Variants in POMT2 observed in about 807,000 individuals in gnomAD.
The protein encoded by POMT2 is protein O-mannosyl-transferase 2.
In POMT2, 75 loss-of-function variants were observed where a neutral mutation model predicts 100.0. That is an observed-to-expected ratio of 0.75 (90% CI 0.62 to 0.91). The LOEUF is 0.91. Among genes scored for constraint, POMT2 ranks in the 40% least tolerant of loss-of-function variants. POMT2 has a pLI of 0.00. For missense variants in POMT2, 940 were observed against 955.1 expected (o/e 0.98, Z 0.21); for synonymous variants, 378 against 374.1 (o/e 1.01, Z -0.12).
intron 8 of POMT2, among the ~76,000 whole-genome samples, chr14:77,297,329 C>T (rs139011971): frequency 1.3e-5 from 2 of 152,378 alleles, no homozygotes; most frequent in East Asian, 3.9e-4. Flanking sequence ...TCCTCCTCCT[C>T]TTGCATTCCC....
chr14:77,287,600 T>C (rs993688484), intron 11 of POMT2: 1 of 151,412 alleles, frequency 6.6e-6, no homozygotes, highest in African/African-American at 2.4e-5. Context: ...TAAAAATTTG[T>C]ATCCGATAAT....
chr14:77,278,051 T>G (rs958539948), intron 20 of POMT2, among the ~76,000 whole-genome samples: 1 of 151,902 alleles, frequency 6.6e-6, no homozygotes, highest in East Asian at 1.9e-4. Context: ...AAAGAGGGGT[T>G]CCCTGCCCCC....
Position 77,299,501 on chromosome 14 carries a change from G to C in POMT2, c.877C>G (p.Leu293Val), listed in dbSNP as rs1890944309. 3 of 1,614,162 alleles carry C rather than the reference G, an allele frequency of 1.9e-6. No homozygotes were observed. Among genetic ancestry groups the C allele is most frequent in the East Asian group, 2.2e-5 (1 of 44,886 alleles). The change falls in exon 7 of 21, where the codon CTC becomes GTC. Residue 293 changes from leucine to valine, a missense_variant. Coordinates refer to ENST00000261534, the MANE Select transcript of POMT2 (RefSeq NM_013382.7). ...VLCLIVLPLA[L>V]YTATFAVHFM... ...TGAACAGCAAAGGTGGCTGTATAGA[G>C]AGCCAGGGGCAGCACTATGAGGCAC...
At chr14:77,301,030 C>T (rs1198581170) in intron 6 of POMT2, 60 bp downstream of exon 6, 2 of 1,611,756 alleles carry the variant, frequency 1.2e-6, no homozygotes, top group Non-Finnish European at 1.7e-6. Flanking sequence ...AGGCCACCAG[C>T]TCCTACTCAG....
At position 77,296,177 on chromosome 14, in the gene POMT2, G is replaced by A. The variant is rs1890820771; in HGVS notation, c.1103C>T (p.Ala368Val). 2 of 1,603,130 alleles carry A rather than the reference G, an allele frequency of 1.2e-6. No homozygotes were observed. Among genetic ancestry groups the A allele is most frequent in the Non-Finnish European group, 8.5e-7 (1 of 1,175,442 alleles). The change falls in exon 9 of 21, where the codon GCC (alanine) becomes GTC (valine). Residue 368 changes from alanine to valine, a missense_variant. Physicochemically the swap from Ala to Val is moderately conservative, Grantham distance 64. Coordinates refer to ENST00000261534, the MANE Select transcript of POMT2 (RefSeq NM_013382.7). ...AGGCTCACTGACCTGCTGCTGACGGGCACCAATGCCCTCGGGGTAGAGGTG... is the reference window on the plus strand; with the variant it reads ...AGGCTCACTGACCTGCTGCTGACGGACACCAATGCCCTCGGGGTAGAGGTG... ...HRHLYPEGIG[A>V]RQQQVTTYLH...
Position 77,301,215 on chromosome 14 carries a change from G to C in POMT2, c.691C>G (p.Leu231Val), listed in dbSNP as rs779845158. The change falls in exon 6 of 21, where the codon CTG becomes GTG. Residue 231 changes from leucine (L) to valine (V), a missense_variant. Physicochemically the swap from Leu to Val is conservative, Grantham distance 32. Transcript: ENST00000261534. ...GCACCAGCAAGACTAACGCCAGTCA[G>C]GCTGAGCCAGAACCACCAGGGGGCA... is the stretch of plus-strand genomic sequence containing the variant. ...FSAPWWFWLS[L>V]TGVSLAGALG... 1 of 1,614,226 alleles carries C rather than the reference G, an allele frequency of 6.2e-7. No individual in the cohort carries two copies. The highest frequency in any genetic ancestry group is 1.1e-5 in the South Asian group (1 of 91,082).
At chr14:77,278,249 G>A in intron 20 of POMT2, 145 bp downstream of exon 20, 2 of 723,910 alleles carry the variant, frequency 2.8e-6, no homozygotes, top group East Asian at 5.4e-5. Context: ...GGAAACCACG[G>A]CCCCACCTGG....
chr14:77,285,996 C>A (rs981831745), intron 12 of POMT2, among the ~76,000 whole-genome samples: 1 of 152,196 alleles, frequency 6.6e-6, no homozygotes, highest in Non-Finnish European at 1.5e-5. Flanking sequence ...CCATTTGCAT[C>A]CATTACCTTG....
intron 1 of POMT2, among the ~76,000 whole-genome samples, chr14:77,317,811 G>GGGA (rs1891684852): frequency 6.6e-6 from 1 of 152,216 alleles, no homozygotes; most frequent in African/African-American, 2.4e-5. Flanking sequence ...CAGATCAGCT[G>GGGA]GGAGGAGGAG....
chr14:77,312,801 T>C (rs565505031), intron 1 of POMT2, among the ~76,000 whole-genome samples: 2 of 152,322 alleles, frequency 1.3e-5, no homozygotes, highest in South Asian at 4.1e-4. Context: ...CTGGTCAGAG[T>C]TGAGTCTATA....
chr14:77,320,849 C>T lies in POMT2; in HGVS notation c.-168G>A, dbSNP rs559608727. On this transcript the variant is annotated 5_prime_UTR_variant, in exon 1 of 21. Transcript: ENST00000261534. Reference sequence around the variant, plus strand: ...CTCGGGGCGGGGCGGGCAGCGTGGTCGCGGCCCGGGCCGCTAGGAGGCGGC... The same window carrying T: ...CTCGGGGCGGGGCGGGCAGCGTGGTTGCGGCCCGGGCCGCTAGGAGGCGGC... The T allele has an allele frequency of 1.8e-5, 24 of 1,320,654 alleles. No homozygotes were observed. The highest frequency in any genetic ancestry group is 3.9e-5 in the Admixed American group (1 of 25,656). 81.8% of individuals were successfully genotyped at this position (1,320,654 alleles called of 1,614,324 possible).
At chr14:77,284,258 C>A in intron 14 of POMT2, 1 of 314,858 alleles carries the variant, frequency 3.2e-6, no homozygotes. Context: ...ATTCTGGACG[C>A]CTGGAGCAGC....
intron 1 of POMT2, among the ~76,000 whole-genome samples, chr14:77,317,197 G>A (rs991140517): frequency 6.6e-6 from 1 of 152,206 alleles, no homozygotes. Flanking sequence ...TTGCAGTAAA[G>A]GAAGCCACAT....
chr14:77,295,067 C>T (rs993404084), intron 9 of POMT2, among the ~76,000 whole-genome samples: 30 of 152,152 alleles, frequency 2.0e-4, no homozygotes, highest in African/African-American at 6.0e-4. Context: ...TTGATTGCCT[C>T]CCTAATGTCT....
intron 14 of POMT2, chr14:77,284,283 G>A (rs1353414060): frequency 5.0e-5 from 15 of 299,270 alleles, no homozygotes; most frequent in Non-Finnish European, 7.2e-5. Context: ...GTCGGGATGG[G>A]GACCAAGTCT....
chr14:77,295,848 G>A (rs1890809457), intron 9 of POMT2, among the ~76,000 whole-genome samples: 1 of 151,946 alleles, frequency 6.6e-6, no homozygotes, highest in Non-Finnish European at 1.5e-5. Flanking sequence ...AAGTACCAAA[G>A]AGACGGCGGG....
Position 77,320,823 on chromosome 14 carries a change from G to C in POMT2, c.-142C>G. ...ACTGCAGCGGAGCGCGGGGCCCCGGGCTCGGGGCGGGGCGGGCAGCGTGGT... is the reference window on the plus strand; with the variant it reads ...ACTGCAGCGGAGCGCGGGGCCCCGGCCTCGGGGCGGGGCGGGCAGCGTGGT... On this transcript the variant is annotated 5_prime_UTR_variant, in exon 1 of 21. Coordinates refer to ENST00000261534, the MANE Select transcript of POMT2 (RefSeq NM_013382.7). The C allele has an allele frequency of 7.3e-7, 1 of 1,375,164 alleles. No homozygotes were observed. Among genetic ancestry groups the C allele is most frequent in the Non-Finnish European group, 9.3e-7 (1 of 1,070,554 alleles). 85.2% of individuals were successfully genotyped at this position (1,375,164 alleles called of 1,614,324 possible).
chr14:77,302,820 G>C lies in POMT2; in HGVS notation c.656+15C>G, dbSNP rs1352548079. 1 of 1,598,404 alleles carries C rather than the reference G, an allele frequency of 6.3e-7. No homozygotes were observed. Among genetic ancestry groups the C allele is most frequent in the South Asian group, 1.1e-5 (1 of 90,546 alleles). On this transcript the variant is annotated intron_variant, in intron 5 of 20. Coordinates refer to ENST00000261534, the MANE Select transcript of POMT2 (RefSeq NM_013382.7). ...CAGCTTCCAACCCTCCCCTCCCGGG[G>C]ATGGAGTTTCTGACCTGTCGGCGCA...
intron 1 of POMT2, among the ~76,000 whole-genome samples, chr14:77,315,645 T>C (rs80306898): frequency 3.1e-3 from 470 of 152,302 alleles, no homozygotes; most frequent in Admixed American, 4.9e-3. Flanking sequence ...CAGGTGATCC[T>C]GTCCTCTCCT....
Sources: gnomAD v4.1 joint callset for allele counts (sites outside exome capture counted in the v4.1 genomes callset) on GRCh38, gnomAD v4.1.1 for gene constraint, MANE v1.5 for transcripts, NCBI Gene and HGNC (gene_info 2026-07-23, HGNC 2026-07-21) for gene names.